ANXA3: variants seen among roughly 807,000 people sequenced by gnomAD.
ANXA3 encodes annexin A3, also known as 35-alpha calcimedin.
Under a neutral mutation model 48.8 loss-of-function variants are expected in ANXA3, and 46 were observed. The ratio of observed to expected loss-of-function variants is 0.94; its 90% CI spans 0.74 to 1.21. ANXA3 has a LOEUF of 1.21. ANXA3 is among the 50% of genes most tolerant of loss of function. ANXA3 has a pLI of 0.00. For synonymous variants in ANXA3, 128 were observed against 134.7 expected (o/e 0.95, Z 0.35); for missense variants, 383 against 378.6 (o/e 1.01, Z -0.10).
intron 2 of ANXA3, among the ~76,000 whole-genome samples, chr4:78,566,091 C>T (rs1214753419): frequency 2.0e-5 from 3 of 152,046 alleles, no homozygotes; most frequent in Non-Finnish European, 4.4e-5. Context: ...CCTGGAGAGG[C>T]GGGAAGAAAC....
intron 4 of ANXA3, among the ~76,000 whole-genome samples, chr4:78,580,112 CAAGT>C (rs1723042647): frequency 6.6e-6 from 1 of 152,002 alleles, no homozygotes; most frequent in Non-Finnish European, 1.5e-5. Flanking sequence ...ATATAATAAA[CAAGT>C]AAATAAAAAT....
chr4:78,605,200 C>A (rs940041570), intron 12 of ANXA3, among the ~76,000 whole-genome samples: 6 of 152,064 alleles, frequency 3.9e-5, no homozygotes, highest in African/African-American at 1.4e-4. Flanking sequence ...TTCACAGGTG[C>A]GATCATAATA....
chr4:78,599,130 A>T (rs1276210590), intron 10 of ANXA3, among the ~76,000 whole-genome samples: 2 of 152,186 alleles, frequency 1.3e-5, no homozygotes, highest in Admixed American at 1.3e-4. Context: ...TTTTATTGAG[A>T]TATAACTTAC....
chr4:78,562,715 ATGTAC>A (rs1337255629), intron 2 of ANXA3, among the ~76,000 whole-genome samples: 2 of 152,244 alleles, frequency 1.3e-5, no homozygotes, highest in East Asian at 3.8e-4. Context: ...GAAGAAATAA[ATGTAC>A]AGTATAAAAA....
chr4:78,597,935 C>T (rs1432330213), intron 10 of ANXA3, among the ~76,000 whole-genome samples: 1 of 152,082 alleles, frequency 6.6e-6, no homozygotes, highest in African/African-American at 2.4e-5. Flanking sequence ...TCTTACCTTG[C>T]TTTTTAAATT....
At position 78,609,437 on chromosome 4, in the gene ANXA3, T is replaced by G. The variant is rs114420329; in HGVS notation, c.913-619T>G. On this transcript the variant is annotated intron_variant, in intron 12 of 12. Transcript: ENST00000264908. ...AGTATCTTTTCTGGACAACAGTCTA[T>G]TTTTGGTTGGCCTTGGGAAAAGGAA... Among the ~76,000 whole-genome samples the G allele has an allele frequency of 2.8e-3, 424 of 152,332 alleles. 2 individuals are homozygous for G. Among genetic ancestry groups the G allele is most frequent in the African/African-American group, 9.7e-3 (404 of 41,586 alleles).
chr4:78,591,000 A>C (rs1374842066), intron 6 of ANXA3, among the ~76,000 whole-genome samples: 2 of 152,170 alleles, frequency 1.3e-5, no homozygotes, highest in East Asian at 1.9e-4. Context: ...CAAGATGCAG[A>C]TATCAGTTCA....
intron 2 of ANXA3, among the ~76,000 whole-genome samples, chr4:78,566,135 A>G (rs1386995687): frequency 6.6e-6 from 1 of 152,204 alleles, no homozygotes; most frequent in Non-Finnish European, 1.5e-5. Context: ...AATGGAAGGC[A>G]GGCTAGCTGT....
chr4:78,599,236 G>A (rs1009991048), intron 10 of ANXA3, among the ~76,000 whole-genome samples: 3 of 152,144 alleles, frequency 2.0e-5, no homozygotes, highest in Non-Finnish European at 2.9e-5. Context: ...AGTTTAGGAC[G>A]TTTTAATCAG....
Position 78,598,466 on chromosome 4 carries a change from T to A in ANXA3, c.730+1052T>A, listed in dbSNP as rs936801746. Among the ~76,000 whole-genome samples the A allele has an allele frequency of 4.0e-4, 61 of 152,220 alleles. 1 individual carries two copies. Among genetic ancestry groups the A allele is most frequent in the Admixed American group, 6.5e-5 (1 of 15,278 alleles). ...GTAGAATTGAGATCAGTCTTCATAA[T>A]TAGTTCTCAGACTGTTCCAGTGGTA... On this transcript the variant is annotated intron_variant, in intron 10 of 12. Transcript: ENST00000264908.
chr4:78,591,485 GT>G (rs1211292096), intron 6 of ANXA3, 58 bp from the exon 7 acceptor site: 3 of 1,214,158 alleles, frequency 2.5e-6, no homozygotes, highest in South Asian at 2.5e-5. Context: ...ACTTTTCTCT[GT>G]TTTATAATCA....
intron 3 of ANXA3, among the ~76,000 whole-genome samples, chr4:78,578,236 G>T (rs1280611899): frequency 1.3e-5 from 2 of 150,454 alleles, no homozygotes; most frequent in East Asian, 3.9e-4. Flanking sequence ...AGCCGAGATC[G>T]TGCCATTGCA....
At chr4:78,608,215 C>T (rs970102365) in intron 12 of ANXA3, among the ~76,000 whole-genome samples, 1 of 152,016 alleles carries the variant, frequency 6.6e-6, no homozygotes, top group Non-Finnish European at 1.5e-5. Flanking sequence ...CTAAAAGATC[C>T]TACAATAGTA....
intron 2 of ANXA3, among the ~76,000 whole-genome samples, chr4:78,562,227 G>GAA (rs5859636): frequency 6.6e-6 from 1 of 151,944 alleles, no homozygotes; most frequent in Non-Finnish European, 1.5e-5. Context: ...AAAGCAGTTA[G>GAA]AAAAAAAGAA....
intron 3 of ANXA3, among the ~76,000 whole-genome samples, chr4:78,575,980 T>C (rs1471050174): frequency 7.2e-5 from 11 of 152,184 alleles, no homozygotes; most frequent in African/African-American, 2.4e-4. Context: ...GAGCTCTTCC[T>C]TTTCACACTG....
chr4:78,566,466 A>C (rs1722733577), intron 2 of ANXA3, among the ~76,000 whole-genome samples: 1 of 148,334 alleles, frequency 6.7e-6, no homozygotes, highest in Non-Finnish European at 1.5e-5. Flanking sequence ...ATACTATAGA[A>C]TACTACTCAG....
intron 2 of ANXA3, among the ~76,000 whole-genome samples, chr4:78,571,408 A>G (rs914381578): frequency 6.6e-6 from 1 of 152,198 alleles, no homozygotes; most frequent in Non-Finnish European, 1.5e-5. Context: ...TTCTTATTTT[A>G]GATGCTATAA....
At chr4:78,590,326 A>G (rs962411288) in intron 6 of ANXA3, among the ~76,000 whole-genome samples, 1 of 152,172 alleles carries the variant, frequency 6.6e-6, no homozygotes, top group African/African-American at 2.4e-5. Context: ...GCTTATATGA[A>G]TTGCTTTGAA....
At chr4:78,559,137 T>G (rs2109924602) in intron 2 of ANXA3, among the ~76,000 whole-genome samples, 1 of 152,136 alleles carries the variant, frequency 6.6e-6, no homozygotes, top group East Asian at 1.9e-4. Context: ...TGGAGTGCAG[T>G]GGTGCAATCA....
Sources: allele counts gnomAD v4.1 joint callset (sites outside exome capture counted in the v4.1 genomes callset), GRCh38; gene constraint gnomAD v4.1.1; transcripts MANE v1.5; gene names NCBI Gene and HGNC (gene_info 2026-07-23, HGNC 2026-07-21).